RPSA2: variants seen among roughly 807,000 people sequenced by gnomAD.
RPSA2 encodes ribosomal protein SA 2, also known as small ribosomal subunit protein uS2B.
chr19:23,858,685 A>G, the RPSA2 span, among the ~76,000 whole-genome samples: 1 of 152,150 alleles, frequency 6.6e-6, no homozygotes, highest in East Asian at 1.9e-4. Flanking sequence ...CTGTGCCAAT[A>G]GGAAAGGAGC....
the RPSA2 span, among the ~76,000 whole-genome samples, chr19:23,800,702 CT>C: frequency 5.3e-5 from 8 of 152,148 alleles, no homozygotes; most frequent in African/African-American, 1.9e-4. Flanking sequence ...CAGCCTCCAC[CT>C]CCTGGGTTTA....
the RPSA2 span, among the ~76,000 whole-genome samples, chr19:23,788,023 C>T: frequency 6.6e-6 from 1 of 152,212 alleles, no homozygotes; most frequent in Non-Finnish European, 1.5e-5. Flanking sequence ...GGGCACAGCC[C>T]ACAGGGTTGT....
At chr19:23,862,657 C>T in the RPSA2 span, among the ~76,000 whole-genome samples, 25,212 of 151,924 alleles carry the variant, frequency 0.17, 2,947 homozygotes, top group East Asian at 0.51. Context: ...GTCTTTGGTT[C>T]TGTTTATATG....
chr19:23,822,785 G>C, the RPSA2 span, among the ~76,000 whole-genome samples: 49 of 152,142 alleles, frequency 3.2e-4, no homozygotes, highest in Non-Finnish European at 1.0e-4. Flanking sequence ...CCTTGGTAAA[G>C]GTGGGTAGAT....
At chr19:23,792,544 A>G in the RPSA2 span, among the ~76,000 whole-genome samples, 1 of 150,620 alleles carries the variant, frequency 6.6e-6, no homozygotes, top group Non-Finnish European at 1.5e-5. Context: ...TCGAAGGAGT[A>G]TTGCAACAGG....
At chr19:23,821,731 G>A in the RPSA2 span, among the ~76,000 whole-genome samples, 1 of 152,106 alleles carries the variant, frequency 6.6e-6, no homozygotes, top group South Asian at 2.1e-4. Flanking sequence ...TTTTTGCACT[G>A]CACACATTGA....
chr19:23,871,146 C>G, the RPSA2 span, among the ~76,000 whole-genome samples: 1 of 152,164 alleles, frequency 6.6e-6, no homozygotes, highest in Non-Finnish European at 1.5e-5. Context: ...GCCCCCTGAC[C>G]CCTTCTTCCA....
the RPSA2 span, among the ~76,000 whole-genome samples, chr19:23,845,952 T>C: frequency 7.2e-5 from 11 of 152,346 alleles, 1 homozygote; most frequent in South Asian, 1.4e-3. Flanking sequence ...TTGGGAGTAC[T>C]TTGTTGATTT....
the RPSA2 span, among the ~76,000 whole-genome samples, chr19:23,840,300 G>A: frequency 1.3e-5 from 2 of 152,154 alleles, no homozygotes; most frequent in African/African-American, 4.8e-5. Flanking sequence ...ATGTTTCAGA[G>A]CCTTATCTTT....
the RPSA2 span, among the ~76,000 whole-genome samples, chr19:23,858,350 C>T: frequency 6.6e-6 from 1 of 152,052 alleles, no homozygotes; most frequent in Non-Finnish European, 1.5e-5. Context: ...GACTTCACCA[C>T]TATGCAATCT....
the RPSA2 span, among the ~76,000 whole-genome samples, chr19:23,762,777 T>C: frequency 1.3e-5 from 2 of 152,156 alleles, no homozygotes; most frequent in Non-Finnish European, 2.9e-5. Context: ...GTGCATTTCA[T>C]GTCTCAGCTT....
At chr19:23,777,497 G>C in the RPSA2 span, among the ~76,000 whole-genome samples, 6 of 151,976 alleles carry the variant, frequency 3.9e-5, no homozygotes, top group Admixed American at 3.3e-4. Context: ...TATTGCCAGG[G>C]CATGGAATAT....
At chr19:23,803,372 A>G in the RPSA2 span, among the ~76,000 whole-genome samples, 4 of 152,122 alleles carry the variant, frequency 2.6e-5, no homozygotes, top group East Asian at 7.7e-4. Context: ...TGGAAAATAT[A>G]AAATATGATT....
At chr19:23,828,884 GTTTC>G in the RPSA2 span, among the ~76,000 whole-genome samples, 14 of 151,694 alleles carry the variant, frequency 9.2e-5, 1 homozygote, top group African/African-American at 2.9e-4. Flanking sequence ...CTTTCTGTGT[GTTTC>G]TTCCATTCTG....
At chr19:23,767,391 T>G in the RPSA2 span, among the ~76,000 whole-genome samples, 1 of 152,184 alleles carries the variant, frequency 6.6e-6, no homozygotes, top group Non-Finnish European at 1.5e-5. Context: ...TCAACCTGAT[T>G]TTTATTTTTA....
At chr19:23,841,445 C>A in the RPSA2 span, among the ~76,000 whole-genome samples, 1 of 152,118 alleles carries the variant, frequency 6.6e-6, no homozygotes, top group Non-Finnish European at 1.5e-5. Flanking sequence ...GCCTGGGCGA[C>A]AGAGCCAGAC....
At chr19:23,792,834 G>C in the RPSA2 span, among the ~76,000 whole-genome samples, 1 of 152,090 alleles carries the variant, frequency 6.6e-6, no homozygotes, top group Non-Finnish European at 1.5e-5. Flanking sequence ...AGATTGCAAA[G>C]ATTAGGCAGA....
the RPSA2 span, among the ~76,000 whole-genome samples, chr19:23,765,110 T>C: frequency 6.6e-6 from 1 of 152,198 alleles, no homozygotes; most frequent in African/African-American, 2.4e-5. Flanking sequence ...AAAATTTCCT[T>C]GTATACTATT....
the RPSA2 span, chr19:23,842,407 T>A: frequency 4.6e-5 from 7 of 152,236 alleles, no homozygotes; most frequent in Admixed American, 3.3e-4. Flanking sequence ...AGAATCTTTC[T>A]CTGTTAAGCA....
Sources: gnomAD v4.1 joint callset for allele counts (sites outside exome capture counted in the v4.1 genomes callset) on GRCh38, gnomAD v4.1.1 for gene constraint, MANE v1.5 for transcripts, NCBI Gene and HGNC (gene_info 2026-07-23, HGNC 2026-07-21) for gene names.